The following MACROD2 variants were observed in gnomAD, a reference collection of about 807,000 sequenced individuals.
MACROD2 encodes the protein mono-ADP ribosylhydrolase 2.
In MACROD2, 36 loss-of-function variants were observed where a neutral mutation model predicts 70.4. The observed-to-expected ratio is 0.51, with a 90% CI of 0.39 to 0.68. MACROD2 has a LOEUF of 0.68. Among genes scored for constraint, MACROD2 ranks in the 30% least tolerant of loss-of-function variants. MACROD2 has a pLI of 0.00. For synonymous variants in MACROD2, 172 were observed against 178.8 expected (o/e 0.96, Z 0.30); for missense variants, 496 against 538.4 (o/e 0.92, Z 0.78).
In MACROD2 at chr20:15,528,724, G is replaced by GT. The variant is rs11475693; in HGVS notation, c.645+28890dup. ...TCATTTGTTCCTTTGCAGTTATGTG[G>GT]TTTTTTTTTTTTTCAGTTCCTTTAC... is the stretch of plus-strand genomic sequence containing the variant. On this transcript the variant is annotated intron_variant, in intron 8 of 17. Coordinates refer to ENST00000684519, the MANE Select transcript of MACROD2 (RefSeq NM_001351661.2). 3.9e-3 allele frequency among the ~76,000 whole-genome samples: 557 copies of GT among 142,822 alleles called. 1 individual carries two copies. The highest frequency in any genetic ancestry group is 0.011 in the Middle Eastern group (3 of 268). The allele number at this position is 142,822 out of a possible 152,430, so 93.7% of individuals were successfully genotyped here.
intron 5 of MACROD2, among the ~76,000 whole-genome samples, chr20:15,190,385 C>T (rs2076562634): frequency 6.6e-6 from 1 of 152,134 alleles, no homozygotes; most frequent in South Asian, 2.1e-4. Flanking sequence ...ATCCCATATT[C>T]ATAGTCCCCT....
chr20:15,601,393 G>A (rs1474151486), intron 8 of MACROD2, among the ~76,000 whole-genome samples: 1 of 151,914 alleles, frequency 6.6e-6, no homozygotes, highest in Non-Finnish European at 1.5e-5. Context: ...ATCCCAAATG[G>A]CATATAGTCT....
At chr20:15,100,893 G>A (rs1220763847) in intron 5 of MACROD2, among the ~76,000 whole-genome samples, 1 of 152,134 alleles carries the variant, frequency 6.6e-6, no homozygotes, top group Non-Finnish European at 1.5e-5. Context: ...AGTGCTGTTT[G>A]GTTACATATT....
At chr20:15,231,387 G>A (rs175286) in intron 6 of MACROD2, among the ~76,000 whole-genome samples, 3 of 151,656 alleles carry the variant, frequency 2.0e-5, no homozygotes, top group Admixed American at 6.6e-5. Flanking sequence ...ATCAAAACAG[G>A]TATGCACATT....
intron 8 of MACROD2, among the ~76,000 whole-genome samples, chr20:15,754,987 T>C (rs2051327258): frequency 6.6e-6 from 1 of 151,986 alleles, no homozygotes; most frequent in African/African-American, 2.4e-5. Context: ...GCCTCCTGGG[T>C]AGTTGGGATT....
At chr20:14,491,914 C>T (rs1008779080) in intron 3 of MACROD2, among the ~76,000 whole-genome samples, 1 of 152,108 alleles carries the variant, frequency 6.6e-6, no homozygotes, top group African/African-American at 2.4e-5. Flanking sequence ...AATAAAAAAT[C>T]AGCAGGAGTG....
At chr20:15,610,147 G>A (rs2048946909) in intron 8 of MACROD2, among the ~76,000 whole-genome samples, 1 of 152,110 alleles carries the variant, frequency 6.6e-6, no homozygotes, top group Non-Finnish European at 1.5e-5. Context: ...ACATGAAGTG[G>A]GTAGATTGAA....
intron 7 of MACROD2, among the ~76,000 whole-genome samples, chr20:15,460,977 C>CATATATATATATATATATATATATATAT (rs1157335873): frequency 1.4e-5 from 1 of 69,752 alleles, no homozygotes; most frequent in African/African-American, 5.1e-5. Flanking sequence ...TCTCTCTCTC[C>CATATATATATATATATATATATATATAT]ATATATATAT....
In MACROD2 at chr20:15,182,109, C is replaced by A. The variant is rs147235448; in HGVS notation, c.419-47831C>A. ...ATTTGTGGTTAGCAAAAGAACAGAC[C>A]CTAAAAGGCAATAGTCTAAGTAAAA... On this transcript the variant is annotated intron_variant, in intron 5 of 17. Coordinates refer to ENST00000684519, the MANE Select transcript of MACROD2 (RefSeq NM_001351661.2). Among the ~76,000 whole-genome samples, 4 of 151,994 alleles carry A rather than the reference C, an allele frequency of 2.6e-5. No homozygotes were observed. In the East Asian group the frequency reaches 5.8e-4, roughly 22 times the overall value.
intron 6 of MACROD2, among the ~76,000 whole-genome samples, chr20:15,294,543 C>A (rs1172198224): frequency 6.6e-6 from 1 of 152,206 alleles, no homozygotes; most frequent in South Asian, 2.1e-4. Context: ...AGATCTCCTC[C>A]TCTGACAAAT....
At chr20:15,655,019 C>T (rs1355082385) in intron 8 of MACROD2, among the ~76,000 whole-genome samples, 1 of 152,130 alleles carries the variant, frequency 6.6e-6, no homozygotes. Context: ...TAAGTCTCGT[C>T]TATAGGACTC....
intron 15 of MACROD2, among the ~76,000 whole-genome samples, chr20:15,997,567 A>G (rs1428468577): frequency 6.6e-6 from 1 of 152,158 alleles, no homozygotes; most frequent in Non-Finnish European, 1.5e-5. Flanking sequence ...AAGTTTAATG[A>G]ATTTATTAGT....
At chr20:14,941,274 T>C (rs1055251493) in intron 5 of MACROD2, among the ~76,000 whole-genome samples, 3 of 152,108 alleles carry the variant, frequency 2.0e-5, no homozygotes, top group Admixed American at 6.6e-5. Context: ...TCTTTTTTTC[T>C]TAGTACAGAG....
intron 7 of MACROD2, among the ~76,000 whole-genome samples, chr20:15,458,366 G>C (rs941105153): frequency 6.6e-6 from 1 of 152,048 alleles, no homozygotes; most frequent in Admixed American, 6.6e-5. Context: ...TCAAACTCAG[G>C]ACGATATTTG....
At chr20:15,235,319 T>C (rs933743923) in intron 6 of MACROD2, among the ~76,000 whole-genome samples, 1 of 152,212 alleles carries the variant, frequency 6.6e-6, no homozygotes, top group African/African-American at 2.4e-5. Flanking sequence ...TTTGTTTAAG[T>C]GGTGTATGCT....
At chr20:15,351,630 C>T (rs918003046) in intron 6 of MACROD2, among the ~76,000 whole-genome samples, 1 of 152,132 alleles carries the variant, frequency 6.6e-6, no homozygotes, top group Non-Finnish European at 1.5e-5. Context: ...TAGTAGCTTT[C>T]AGTGAGCTCC....
intron 8 of MACROD2, among the ~76,000 whole-genome samples, chr20:15,729,011 G>A (rs181045797): frequency 6.8e-4 from 104 of 152,026 alleles, no homozygotes; most frequent in Non-Finnish European, 1.1e-3. Context: ...TTTTGATGTG[G>A]GCATTTAACA....
At chr20:14,121,990 A>AT (rs1308352128) in intron 3 of MACROD2, among the ~76,000 whole-genome samples, 2 of 152,098 alleles carry the variant, frequency 1.3e-5, no homozygotes, top group Non-Finnish European at 2.9e-5. Context: ...TAAATGAATC[A>AT]TTTTTTCCCC....
intron 12 of MACROD2, among the ~76,000 whole-genome samples, chr20:15,937,984 G>C (rs1477965383): frequency 6.6e-6 from 1 of 151,646 alleles, no homozygotes; most frequent in Non-Finnish European, 1.5e-5. Flanking sequence ...GGCATCCTTA[G>C]AAATGAATCT....
Sources: allele counts gnomAD v4.1 joint callset (sites outside exome capture counted in the v4.1 genomes callset), GRCh38; gene constraint gnomAD v4.1.1; transcripts MANE v1.5; gene names NCBI Gene and HGNC (gene_info 2026-07-23, HGNC 2026-07-21).